PEX5L: variants seen among roughly 807,000 people sequenced by gnomAD.
The protein encoded by PEX5L is PEX5-related protein.
Under a neutral mutation model 84.0 loss-of-function variants are expected in PEX5L, and 30 were observed. That is an observed-to-expected ratio of 0.36 (90% CI 0.27 to 0.48). The LOEUF (loss-of-function observed/expected upper bound fraction) is 0.48. Among genes scored for constraint, PEX5L ranks in the 20% least tolerant of loss-of-function variants. The pLI is 0.99. For missense variants in PEX5L, 533 were observed against 754.6 expected (o/e 0.71, Z 3.44); for synonymous variants, 270 against 283.1 (o/e 0.95, Z 0.46).
rs996632430 is a variant in PEX5L at position 179,801,594 on chromosome 3, T to C, written c.*234A>G. ...CACAGTTACTTTATCTTGGTTTGTC[T>C]TGAGTCTCTTAATTCTTCTTTTGAG... is the stretch of plus-strand genomic sequence containing the variant. On this transcript the variant is annotated 3_prime_UTR_variant, in exon 15 of 15. Transcript: ENST00000467460. 3.9e-6 allele frequency: 2 copies of C among 507,480 alleles called. No individual in the cohort carries two copies. The highest frequency in any genetic ancestry group is 2.8e-5 in the South Asian group (1 of 35,896). The allele number at this position is 507,480 out of a possible 1,614,324, so 31.4% of individuals were successfully genotyped here. A position where few individuals can be genotyped will look rare whatever the true frequency, so the allele number is the denominator to read the frequency against.
At chr3:179,960,678 C>T (rs1220126776) in intron 2 of PEX5L, among the ~76,000 whole-genome samples, 1 of 152,164 alleles carries the variant, frequency 6.6e-6, no homozygotes, top group Admixed American at 6.5e-5. Flanking sequence ...GCAAAGTTTA[C>T]AAGGTTTTAC....
chr3:179,976,097 C>T (rs963143217), intron 1 of PEX5L, among the ~76,000 whole-genome samples: 6 of 152,066 alleles, frequency 3.9e-5, no homozygotes, highest in African/African-American at 1.2e-4. Context: ...AGGACTACGG[C>T]CAGAGTCCTA....
At chr3:180,001,000 G>A (rs761593098) in intron 1 of PEX5L, among the ~76,000 whole-genome samples, 1 of 152,144 alleles carries the variant, frequency 6.6e-6, no homozygotes, top group African/African-American at 2.4e-5. Flanking sequence ...GTGTCTATGA[G>A]GGTGTTGCCA....
chr3:179,820,039 C>A, intron 8 of PEX5L, 63 bp from the exon 9 acceptor site: 1 of 1,608,644 alleles, frequency 6.2e-7, no homozygotes, highest in Non-Finnish European at 8.5e-7. Flanking sequence ...CTGTGTTTTT[C>A]TTCCCCCCCT....
chr3:180,017,606 C>T (rs1379352205), intron 1 of PEX5L, among the ~76,000 whole-genome samples: 1 of 151,806 alleles, frequency 6.6e-6, no homozygotes, highest in African/African-American at 2.4e-5. Context: ...TTTCAAATAC[C>T]CATTTTCCAT....
intron 7 of PEX5L, among the ~76,000 whole-genome samples, chr3:179,863,900 C>G (rs1210987138): frequency 6.6e-6 from 1 of 152,032 alleles, no homozygotes; most frequent in Non-Finnish European, 1.5e-5. Context: ...GTGGGAGGGA[C>G]CTGGTGGGAG....
At chr3:179,994,006 ATTGCTT>A (rs1383180576) in intron 1 of PEX5L, among the ~76,000 whole-genome samples, 3 of 152,206 alleles carry the variant, frequency 2.0e-5, no homozygotes, top group Non-Finnish European at 2.9e-5. Context: ...TCATTTTATA[ATTGCTT>A]TTAAAATTTA....
chr3:179,824,740 T>C (rs1051441803), intron 8 of PEX5L, among the ~76,000 whole-genome samples: 8 of 151,732 alleles, frequency 5.3e-5, no homozygotes, highest in Admixed American at 3.9e-4. Context: ...GCAGTACTTC[T>C]TTTACATGAC....
intron 8 of PEX5L, among the ~76,000 whole-genome samples, chr3:179,843,670 T>G (rs897967469): frequency 6.6e-6 from 1 of 152,182 alleles, no homozygotes; most frequent in Non-Finnish European, 1.5e-5. Context: ...CAGAGATAAA[T>G]TATTAATCAC....
chr3:180,000,350 T>G (rs1579294239), intron 1 of PEX5L, among the ~76,000 whole-genome samples: 1 of 152,262 alleles, frequency 6.6e-6, no homozygotes, highest in East Asian at 1.9e-4. Context: ...AGAGTATGCA[T>G]GGAATACAGG....
intron 2 of PEX5L, among the ~76,000 whole-genome samples, chr3:179,916,718 G>A (rs1163369707): frequency 6.6e-6 from 1 of 152,138 alleles, no homozygotes; most frequent in Non-Finnish European, 1.5e-5. Flanking sequence ...CACTGAGGCT[G>A]GAGTGCAGTG....
chr3:179,805,984 G>GA (rs1027820742), intron 14 of PEX5L, among the ~76,000 whole-genome samples: 10 of 147,924 alleles, frequency 6.8e-5, no homozygotes, highest in African/African-American at 2.0e-4. Context: ...TCCTTTAATT[G>GA]AAAAAAAATA....
intron 3 of PEX5L, among the ~76,000 whole-genome samples, chr3:179,897,838 A>C (rs1409884246): frequency 2.0e-5 from 3 of 152,018 alleles, no homozygotes; most frequent in African/African-American, 7.2e-5. Flanking sequence ...TTCTTTCCCA[A>C]AGTTTTTAAC....
chr3:179,850,766 G>C (rs923884995), intron 8 of PEX5L, among the ~76,000 whole-genome samples: 3 of 152,084 alleles, frequency 2.0e-5, no homozygotes, highest in African/African-American at 7.2e-5. Flanking sequence ...CTCCTTTTTG[G>C]ATACTGAATC....
At chr3:179,929,868 G>C (rs774884563) in intron 2 of PEX5L, among the ~76,000 whole-genome samples, 8 of 152,030 alleles carry the variant, frequency 5.3e-5, no homozygotes, top group Non-Finnish European at 1.2e-4. Context: ...GCTCTTTCTG[G>C]TTCTCTTGTT....
intron 2 of PEX5L, among the ~76,000 whole-genome samples, chr3:179,961,082 ACCATTT>A (rs58673664): frequency 0.73 from 111,114 of 151,484 alleles, 41,009 homozygotes; most frequent in East Asian, 0.96. Context: ...ACATTCTCTC[ACCATTT>A]CCATTTCTTT....
At chr3:179,871,100 C>CTTTTTTTTTT (rs397801213) in intron 7 of PEX5L, among the ~76,000 whole-genome samples, 1 of 95,032 alleles carries the variant, frequency 1.1e-5, no homozygotes, top group African/African-American at 4.5e-5. Context: ...TTGAGTTATA[C>CTTTTTTTTTT]TTTTTTTTTT....
chr3:179,958,069 C>T (rs1445194843), intron 2 of PEX5L, among the ~76,000 whole-genome samples: 1 of 152,140 alleles, frequency 6.6e-6, no homozygotes, highest in Non-Finnish European at 1.5e-5. Flanking sequence ...TACATACACA[C>T]TCTCAAGAAT....
intron 2 of PEX5L, among the ~76,000 whole-genome samples, chr3:179,930,695 T>C (rs552022787): frequency 6.6e-6 from 1 of 152,332 alleles, no homozygotes; most frequent in East Asian, 1.9e-4. Flanking sequence ...GAGGAAATGT[T>C]AGGATCTGTC....
Sources: allele counts gnomAD v4.1 joint callset (sites outside exome capture counted in the v4.1 genomes callset), GRCh38; gene constraint gnomAD v4.1.1; transcripts MANE v1.5; gene names NCBI Gene and HGNC (gene_info 2026-07-23, HGNC 2026-07-21).